Variants in C2orf76 observed in about 807,000 individuals in gnomAD.
C2orf76 encodes UPF0538 protein C2orf76.
A neutral mutation model predicts 16.9 loss-of-function variants in C2orf76; 23 were observed. The ratio of observed to expected loss-of-function variants is 1.36; its 90% CI spans 0.98 to 1.93. The LOEUF (loss-of-function observed/expected upper bound fraction) is 1.93, where lower values mean the gene tolerates loss of function less well. Among genes scored for constraint, C2orf76 ranks in the 30% most tolerant of loss-of-function variants. The pLI is 0.00. For synonymous variants in C2orf76, 48 were observed against 52.3 expected, an observed-to-expected ratio of 0.92 and a Z score of 0.35; for missense variants, 152 against 152.6, an observed-to-expected ratio of 1.00 and a Z score of 0.02.
intron 1 of C2orf76, among the ~76,000 whole-genome samples, chr2:119,353,765 G>T (rs1284413388): frequency 6.6e-6 from 1 of 152,036 alleles, no homozygotes; most frequent in African/African-American, 2.4e-5. Flanking sequence ...GTTTCACCAT[G>T]TTGAGCAGGC....
upstream of C2orf76, chr2:119,367,020 T>C (rs778466756): frequency 6.2e-7 from 1 of 1,613,996 alleles, no homozygotes; most frequent in Non-Finnish European, 8.5e-7. Context: ...CCTCCTCCGC[T>C]GTCTCCCTGG....
chr2:119,285,531 C>T, the C2orf76 span, among the ~76,000 whole-genome samples: 4 of 152,292 alleles, frequency 2.6e-5, no homozygotes, highest in South Asian at 2.1e-4. Flanking sequence ...TTTTCTCTGT[C>T]GTATCCCACC....
At chr2:119,284,687 T>G in the C2orf76 span, among the ~76,000 whole-genome samples, 1 of 151,382 alleles carries the variant, frequency 6.6e-6, no homozygotes, top group Non-Finnish European at 1.5e-5. Context: ...TTTGGTTTTT[T>G]TTTTTTTTGC....
chr2:119,337,480 G>A (rs1394298196), intron 2 of C2orf76, among the ~76,000 whole-genome samples: 1 of 152,076 alleles, frequency 6.6e-6, no homozygotes, highest in African/African-American at 2.4e-5. Context: ...AAAATTCTTA[G>A]TATAGTACCT....
intron 1 of C2orf76, among the ~76,000 whole-genome samples, chr2:119,363,317 G>A (rs181066211): frequency 1.8e-4 from 27 of 151,888 alleles, no homozygotes; most frequent in African/African-American, 6.0e-4. Flanking sequence ...CCAGCTACTC[G>A]GGAGGCTGAG....
At position 119,321,182 on chromosome 2, in the gene C2orf76, C is replaced by A; in HGVS notation, c.156G>T (p.Leu52=). 1 of 1,438,118 alleles carries A rather than the reference C, an allele frequency of 7.0e-7. No homozygotes were observed. The highest frequency in any genetic ancestry group is 1.3e-5 in the South Asian group (1 of 74,130). The allele number at this position is 1,438,118 out of a possible 1,614,324, so 89.1% of individuals were successfully genotyped here. ...LKQDIPLRTN[L]PPPFRNYKYD... ...ATTTATAATTTCTGAATGGTGGTGGCAGGTTGGTCCTTAAAGGGATATCTA... is the reference window on the plus strand; with the variant it reads ...ATTTATAATTTCTGAATGGTGGTGGAAGGTTGGTCCTTAAAGGGATATCTA... The change falls in exon 3 of 6, where the codon CTG becomes CTT. Residue 52 remains leucine (L), a synonymous_variant. Transcript: ENST00000334816.
chr2:119,350,284 A>C (rs897703573), intron 1 of C2orf76, among the ~76,000 whole-genome samples: 1 of 152,118 alleles, frequency 6.6e-6, no homozygotes, highest in African/African-American at 2.4e-5. Flanking sequence ...TTCAACAGCA[A>C]CTTGATTCTA....
chr2:119,366,935 C>A, upstream of C2orf76: 2 of 1,328,136 alleles, frequency 1.5e-6, no homozygotes, highest in African/African-American at 1.5e-5. Context: ...CTCGCCCGAG[C>A]AGGGTTGGGG....
At chr2:119,302,959 C>CT (rs1046675151) in intron 5 of C2orf76, among the ~76,000 whole-genome samples, 2 of 151,806 alleles carry the variant, frequency 1.3e-5, no homozygotes, top group African/African-American at 4.8e-5. Flanking sequence ...TTTTCCCCCC[C>CT]TGAAATTAGC....
chr2:119,360,400 C>T (rs1680706600), intron 1 of C2orf76, among the ~76,000 whole-genome samples: 1 of 147,440 alleles, frequency 6.8e-6, no homozygotes, highest in Non-Finnish European at 1.5e-5. Context: ...TCGCTTGAAC[C>T]TGGGAGGCAG....
intron 1 of C2orf76, among the ~76,000 whole-genome samples, chr2:119,354,795 C>A (rs999771790): frequency 3.9e-5 from 6 of 152,176 alleles, no homozygotes; most frequent in Non-Finnish European, 7.4e-5. Context: ...AATCTTCCAC[C>A]TCTAGGGGTT....
chr2:119,323,273 G>A (rs779642187), intron 2 of C2orf76, among the ~76,000 whole-genome samples: 38 of 151,254 alleles, frequency 2.5e-4, no homozygotes, highest in Non-Finnish European at 4.6e-4. Flanking sequence ...CTCTCACCTC[G>A]CCCCGAAAGT....
chr2:119,366,382 T>C, intron 1 of C2orf76: 1 of 470,114 alleles, frequency 2.1e-6, no homozygotes, highest in Middle Eastern at 3.3e-4. Context: ...ACCACAGACA[T>C]AAATGTGCAA....
chr2:119,285,257 A>G, the C2orf76 span, among the ~76,000 whole-genome samples: 2 of 152,238 alleles, frequency 1.3e-5, no homozygotes, highest in Non-Finnish European at 2.9e-5. Context: ...TTTATTTAAC[A>G]TGATATAGTG....
At chr2:119,363,278 G>C (rs999529482) in intron 1 of C2orf76, among the ~76,000 whole-genome samples, 5 of 152,022 alleles carry the variant, frequency 3.3e-5, no homozygotes, top group African/African-American at 1.2e-4. Context: ...CAAAAAATTA[G>C]CCGGGCGTGG....
At chr2:119,366,863 C>T, upstream of C2orf76, 1 of 741,882 alleles carries the variant, frequency 1.3e-6, no homozygotes, top group Non-Finnish European at 2.2e-6. Flanking sequence ...GCGGGGCTAG[C>T]GCCGCGGCGG....
intron 4 of C2orf76, among the ~76,000 whole-genome samples, chr2:119,316,863 G>A (rs989511634): frequency 3.3e-5 from 5 of 152,146 alleles, no homozygotes; most frequent in African/African-American, 1.2e-4. Context: ...ATCTTTGACT[G>A]TGGCTTCATA....
At chr2:119,325,939 T>G (rs535304530) in intron 2 of C2orf76, among the ~76,000 whole-genome samples, 7 of 152,340 alleles carry the variant, frequency 4.6e-5, no homozygotes, top group South Asian at 2.1e-4. Context: ...TAAGAGGTTT[T>G]GGTTTTGGTT....
intron 4 of C2orf76, among the ~76,000 whole-genome samples, chr2:119,315,638 A>T (rs773021595): frequency 6.6e-6 from 1 of 152,190 alleles, no homozygotes; most frequent in East Asian, 1.9e-4. Flanking sequence ...TTGAAGCAGA[A>T]ACTTGCAGAA....
Sources: gnomAD v4.1 joint callset for allele counts (sites outside exome capture counted in the v4.1 genomes callset) on GRCh38, gnomAD v4.1.1 for gene constraint, MANE v1.5 for transcripts, NCBI Gene and HGNC (gene_info 2026-07-23, HGNC 2026-07-21) for gene names.